Variants in GUF1 observed in about 807,000 individuals in gnomAD.
GUF1 encodes translation factor GUF1, mitochondrial.
GUF1 carries 78 observed loss-of-function variants against 82.4 expected under a neutral mutation model. The ratio of observed to expected loss-of-function variants is 0.95; its 90% CI spans 0.79 to 1.14. The LOEUF is 1.14. Among genes scored for constraint, GUF1 ranks in the 50% most tolerant of loss-of-function variants. The pLI is 0.00. For synonymous variants in GUF1, 279 were observed against 282.3 expected, an observed-to-expected ratio of 0.99 and a Z score of 0.12; for missense variants, 814 against 798.2, an observed-to-expected ratio of 1.02 and a Z score of -0.24.
At chr4:44,681,622 C>G (rs901335117) in intron 4 of GUF1, among the ~76,000 whole-genome samples, 1 of 152,214 alleles carries the variant, frequency 6.6e-6, no homozygotes, top group Middle Eastern at 3.4e-3. Context: ...TTTAAAAAAT[C>G]AGTAACATTA....
chr4:44,678,863 G>C (rs530638434), intron 1 of GUF1, 76 bp downstream of exon 1: 1 of 1,398,446 alleles, frequency 7.2e-7, no homozygotes, highest in South Asian at 1.5e-5. Context: ...GACATGTATA[G>C]GGCTTTCTGG....
intron 6 of GUF1, among the ~76,000 whole-genome samples, chr4:44,685,684 A>C (rs1406207761): frequency 6.6e-6 from 1 of 152,056 alleles, no homozygotes; most frequent in Non-Finnish European, 1.5e-5. Context: ...CAATGCAAAG[A>C]CATGATTGTT....
intron 4 of GUF1, 135 bp from the exon 5 acceptor site, chr4:44,682,199 T>C (rs1275843667): frequency 1.1e-5 from 5 of 450,830 alleles, no homozygotes; most frequent in African/African-American, 8.1e-5. Context: ...GGTAGCTACA[T>C]GGCATTTTGT....
intron 11 of GUF1, 49 bp from the exon 12 acceptor site, chr4:44,690,668 T>A: frequency 9.2e-7 from 1 of 1,091,614 alleles, no homozygotes; most frequent in Non-Finnish European, 1.3e-6. Context: ...AGAAAAATGA[T>A]AATCATTATA....
chr4:44,696,443 A>G (rs1415015210), intron 15 of GUF1, among the ~76,000 whole-genome samples: 13 of 152,266 alleles, frequency 8.5e-5, no homozygotes, highest in Non-Finnish European at 1.9e-4. Flanking sequence ...AAAAATAACA[A>G]TGAAGAACAC....
At chr4:44,689,778 T>TTA (rs1553876184) in intron 10 of GUF1, 65 bp from the exon 11 acceptor site, 3 of 1,060,578 alleles carry the variant, frequency 2.8e-6, no homozygotes, top group Admixed American at 6.2e-5. Flanking sequence ...ATATGTTCAT[T>TTA]AAAAAAAAAA....
chr4:44,691,364 G>A (rs114956854), intron 12 of GUF1, among the ~76,000 whole-genome samples: 1 of 151,626 alleles, frequency 6.6e-6, no homozygotes, highest in Non-Finnish European at 1.5e-5. Context: ...TTGTAATCTT[G>A]GTCTTAACTT....
At position 44,698,605 on chromosome 4, in the gene GUF1, A is replaced by T; in HGVS notation, c.1934A>T (p.Lys645Met). 1.1e-5 allele frequency: 17 copies of T among 1,611,462 alleles called. No individual in the cohort carries two copies. The highest frequency in any genetic ancestry group is 1.4e-5 in the Non-Finnish European group (17 of 1,179,050). The part of the protein sequence containing the change: ...LLKRQAEGKK[K>M]LRKIGNVEVP... ...AAGAGACAAGCAGAAGGGAAAAAAAAGCTGAGGAAAATTGGCAACGTTGAA... is the reference window on the plus strand; with the variant it reads ...AAGAGACAAGCAGAAGGGAAAAAAATGCTGAGGAAAATTGGCAACGTTGAA... Residue 645 changes from lysine to methionine, a missense_variant, in exon 17 of 17, where the codon AAG becomes ATG. Transcript: ENST00000281543.
At chr4:44,680,902 A>G (rs1337017387) in intron 3 of GUF1, 60 bp downstream of exon 3, 3 of 1,408,012 alleles carry the variant, frequency 2.1e-6, no homozygotes, top group Non-Finnish European at 3.0e-6. Flanking sequence ...AGTAGTGCAA[A>G]CAGATCCTTG....
chr4:44,691,693 A>G lies in GUF1; in HGVS notation c.1507A>G (p.Ile503Val), dbSNP rs112026924. 5,411 of 1,591,218 alleles carry G rather than the reference A, an allele frequency of 3.4e-3. 91 individuals are homozygous for G. In the African/African-American group the frequency reaches 0.05, roughly 15 times the overall value. The change falls in exon 13 of 17, where the codon ATA (isoleucine) becomes GTA (valine). Residue 503 changes from isoleucine to valine, a missense_variant. By Grantham distance (29) the Ile-to-Val change is conservative. Transcript: ENST00000281543. ...TCGAAGAGCAGTTCAGAAGAATATG[A>G]TATTTATTGATCAAAATAGAGTTAT... ...EARRAVQKNM[I>V]FIDQNRVMLK...
chr4:44,700,606 C>T lies in GUF1; in HGVS notation c.*1925C>T, dbSNP rs1716178395. On this transcript the variant is annotated 3_prime_UTR_variant, in exon 17 of 17. Coordinates refer to ENST00000281543, the MANE Select transcript of GUF1 (RefSeq NM_021927.3). ...CAAGCTGTGCCCCAACCACCTTGGG[C>T]ACATGTGGTGAGGACCTCCTGAGGC... The T allele has an allele frequency of 6.6e-6, 1 of 152,174 alleles. No individual in the cohort carries two copies. Among genetic ancestry groups the T allele is most frequent in the South Asian group, 2.1e-4 (1 of 4,822 alleles). The allele number at this position is 152,174 out of a possible 1,614,324, so 9.4% of individuals were successfully genotyped here. A position where few individuals can be genotyped will look rare whatever the true frequency, so the allele number is the denominator to read the frequency against.
At position 44,688,095 on chromosome 4, in the gene GUF1, C is replaced by T; in HGVS notation, c.1027C>T (p.Pro343Ser). The stretch of plus-strand genomic sequence containing the variant: ...AGATACATTATGTTTACATAAGCAA[C>T]CAGTGGAGCCCTTGCCTGGGTTTAA... ...IGDTLCLHKQ[P>S]VEPLPGFKSA... The change falls in exon 9 of 17, where the codon CCA becomes TCA. Residue 343 changes from proline (P) to serine (S), a missense_variant. By Grantham distance (74) the Pro-to-Ser change is moderately conservative. Coordinates refer to ENST00000281543, the MANE Select transcript of GUF1 (RefSeq NM_021927.3). The T allele has an allele frequency of 6.2e-7, 1 of 1,612,050 alleles. No homozygotes were observed. Among genetic ancestry groups the T allele is most frequent in the African/African-American group, 1.3e-5 (1 of 74,852 alleles).
chr4:44,683,816 T>TA (rs1714904715), intron 6 of GUF1, among the ~76,000 whole-genome samples: 10 of 152,146 alleles, frequency 6.6e-5, no homozygotes, highest in Admixed American at 6.6e-4. Flanking sequence ...TTTGAATTTT[T>TA]ATTTACCTTT....
At chr4:44,695,828 C>A in intron 15 of GUF1, 94 bp downstream of exon 15, 1 of 1,240,604 alleles carries the variant, frequency 8.1e-7, no homozygotes, top group Non-Finnish European at 1.1e-6. Flanking sequence ...TAACATTGGC[C>A]TAAGCTTTCT....
chr4:44,697,993 A>G (rs1347137997), intron 16 of GUF1, among the ~76,000 whole-genome samples: 1 of 152,082 alleles, frequency 6.6e-6, no homozygotes, highest in African/African-American at 2.4e-5. Flanking sequence ...TGAAAATACA[A>G]AAATTAGCCA....
chr4:44,695,489 T>G, intron 14 of GUF1, 126 bp from the exon 15 acceptor site: 1 of 574,104 alleles, frequency 1.7e-6, no homozygotes, highest in Non-Finnish European at 2.8e-6. Flanking sequence ...TAAGAGAGAT[T>G]TATAAGTAAG....
intron 6 of GUF1, among the ~76,000 whole-genome samples, 170 bp from the exon 7 acceptor site, chr4:44,685,789 A>G (rs111867217): frequency 7.9e-5 from 12 of 152,206 alleles, no homozygotes; most frequent in African/African-American, 2.6e-4. Context: ...TATAATAGAA[A>G]AAGTATTTGT....
intron 13 of GUF1, 178 bp from the exon 14 acceptor site, chr4:44,694,234 T>C: frequency 1.8e-6 from 1 of 542,508 alleles, no homozygotes; most frequent in Non-Finnish European, 3.3e-6. Context: ...TTAATAAACA[T>C]AAAAAGATAA....
At chr4:44,680,333 G>A in intron 1 of GUF1, 108 bp from the exon 2 acceptor site, 1 of 573,888 alleles carries the variant, frequency 1.7e-6, no homozygotes, top group Non-Finnish European at 3.1e-6. Context: ...CAATATAAAT[G>A]CTAGAAATGA....
Sources: allele counts gnomAD v4.1 joint callset (sites outside exome capture counted in the v4.1 genomes callset), GRCh38; gene constraint gnomAD v4.1.1; transcripts MANE v1.5; gene names NCBI Gene and HGNC (gene_info 2026-07-23, HGNC 2026-07-21).